The following KAZN variants were observed in gnomAD, a reference collection of about 807,000 sequenced individuals.
KAZN encodes the protein kazrin, periplakin interacting protein.
Under a neutral mutation model 87.4 loss-of-function variants are expected in KAZN, and 40 were observed. The observed-to-expected ratio is 0.46, with a 90% CI of 0.36 to 0.60. The LOEUF (loss-of-function observed/expected upper bound fraction) is 0.60. Ranked by LOEUF, KAZN falls within the 20% of genes least tolerant of loss-of-function variation. The pLI, the probability that KAZN is intolerant of heterozygous loss-of-function variation, is 0.00. For missense variants in KAZN, 898 were observed against 1,073.9 expected (o/e 0.84, Z 2.29); for synonymous variants, 466 against 458.3 (o/e 1.02, Z -0.22).
At chr1:14,638,320 G>A (rs1680152226) in intron 1 of KAZN, among the ~76,000 whole-genome samples, 1 of 152,160 alleles carries the variant, frequency 6.6e-6, no homozygotes, top group East Asian at 1.9e-4. Flanking sequence ...TGTAATCCCA[G>A]CACTTTGGGA....
At chr1:14,217,681 A>G (rs562003310) in intron 2 of KAZN, among the ~76,000 whole-genome samples, 1 of 152,292 alleles carries the variant, frequency 6.6e-6, no homozygotes, top group East Asian at 1.9e-4. Flanking sequence ...TTTAAATTAC[A>G]TATTGAAATT....
intron 1 of KAZN, among the ~76,000 whole-genome samples, chr1:14,775,235 C>T (rs114977350): frequency 0.013 from 2,030 of 152,288 alleles, 34 homozygotes; most frequent in African/African-American, 0.046. Context: ...CTGTGGCCTC[C>T]GACATCAGAG....
At chr1:14,393,158 C>T (rs759010106) in intron 2 of KAZN, among the ~76,000 whole-genome samples, 3 of 152,196 alleles carry the variant, frequency 2.0e-5, no homozygotes, top group Admixed American at 1.3e-4. Context: ...TCAAATCAAA[C>T]GGTCAAAGTT....
chr1:14,354,645 G>GACACACACAC (rs71570202), intron 2 of KAZN, among the ~76,000 whole-genome samples: 1,597 of 141,414 alleles, frequency 0.011, 17 homozygotes, highest in South Asian at 0.019. Flanking sequence ...AGCTAAATTA[G>GACACACACAC]ACACACACAC....
At chr1:14,940,174 A>G (rs899284248) in intron 1 of KAZN, among the ~76,000 whole-genome samples, 8 of 152,120 alleles carry the variant, frequency 5.3e-5, no homozygotes, top group Admixed American at 5.2e-4. Context: ...GGCCTGTGGG[A>G]AAGTAGCTGT....
chr1:14,879,059 C>G (rs1040828861), intron 1 of KAZN, among the ~76,000 whole-genome samples: 2 of 152,276 alleles, frequency 1.3e-5, no homozygotes, highest in East Asian at 3.9e-4. Context: ...AATCCCTGCT[C>G]GTATCTGCCA....
At chr1:14,092,903 G>A (rs371635044) in intron 1 of KAZN, among the ~76,000 whole-genome samples, 1 of 152,236 alleles carries the variant, frequency 6.6e-6, no homozygotes, top group South Asian at 2.1e-4. Context: ...TCGTATTTAG[G>A]AGCTATCTCT....
At chr1:14,479,853 T>TTA (rs1668970998) in intron 2 of KAZN, among the ~76,000 whole-genome samples, 4 of 152,184 alleles carry the variant, frequency 2.6e-5, no homozygotes, top group Non-Finnish European at 4.4e-5. Context: ...AGCAGGTGTC[T>TTA]CTATTCAATG....
At chr1:14,518,555 C>T (rs1671416539) in intron 2 of KAZN, among the ~76,000 whole-genome samples, 1 of 152,122 alleles carries the variant, frequency 6.6e-6, no homozygotes, top group Non-Finnish European at 1.5e-5. Flanking sequence ...GATGAATTTG[C>T]CAAGGAAGAG....
At chr1:14,077,227 T>A (rs1643497176) in intron 1 of KAZN, among the ~76,000 whole-genome samples, 1 of 152,178 alleles carries the variant, frequency 6.6e-6, no homozygotes, top group Non-Finnish European at 1.5e-5. Flanking sequence ...TTCGTTCTGC[T>A]ATTGGCTTGC....
intron 1 of KAZN, among the ~76,000 whole-genome samples, chr1:14,790,961 G>A (rs1278881881): frequency 1.3e-5 from 2 of 152,066 alleles, no homozygotes; most frequent in African/African-American, 4.8e-5. Flanking sequence ...GAAAGTGCTG[G>A]GATTATAGGT....
At chr1:13,968,981 T>C (rs1642040633) in intron 1 of KAZN, among the ~76,000 whole-genome samples, 1 of 152,204 alleles carries the variant, frequency 6.6e-6, no homozygotes, top group African/African-American at 2.4e-5. Flanking sequence ...TCTCAACTTA[T>C]CAAGTCTAAA....
At chr1:15,009,181 C>G (rs1187218604) in intron 2 of KAZN, among the ~76,000 whole-genome samples, 1 of 152,218 alleles carries the variant, frequency 6.6e-6, no homozygotes, top group African/African-American at 2.4e-5. Context: ...GCATCCTGGG[C>G]ACGTCCTGCA....
chr1:14,046,326 G>A (rs1466764611), intron 1 of KAZN, among the ~76,000 whole-genome samples: 1 of 152,158 alleles, frequency 6.6e-6, no homozygotes, highest in Non-Finnish European at 1.5e-5. Flanking sequence ...CTGAAGATTG[G>A]TCAGGGGATG....
Position 14,995,613 on chromosome 1 carries a change from G to C in KAZN, c.418+34738G>C, listed in dbSNP as rs142695642. Among the ~76,000 whole-genome samples the C allele has an allele frequency of 4.2e-3, 631 of 149,182 alleles. 31 individuals carry two copies. In the East Asian group the frequency reaches 0.1, roughly 24 times the overall value. ...CACTCCAGCCTGGGCGACAGAGTGA[G>C]ACTCCACCTCAAATAAAAAAAAAAA... On this transcript the variant is annotated intron_variant, in intron 2 of 14. Transcript: ENST00000376030.
intron 1 of KAZN, among the ~76,000 whole-genome samples, chr1:13,954,997 G>A (rs77079888): frequency 0.02 from 3,077 of 152,174 alleles, 46 homozygotes; most frequent in South Asian, 0.043. Context: ...TTGACTCCTC[G>A]AAAGTAACAT....
intron 1 of KAZN, among the ~76,000 whole-genome samples, chr1:14,860,249 T>C (rs1215262280): frequency 2.0e-5 from 3 of 152,066 alleles, no homozygotes; most frequent in Admixed American, 1.3e-4. Context: ...TAGAGTGCAG[T>C]GGCGTGATCT....
At chr1:14,299,114 G>A (rs1654343494) in intron 2 of KAZN, among the ~76,000 whole-genome samples, 1 of 152,206 alleles carries the variant, frequency 6.6e-6, no homozygotes, top group Non-Finnish European at 1.5e-5. Context: ...ACCATCCTCA[G>A]TTCTGGGATA....
At chr1:14,112,512 C>T (rs1644521947) in intron 1 of KAZN, among the ~76,000 whole-genome samples, 1 of 152,184 alleles carries the variant, frequency 6.6e-6, no homozygotes, top group South Asian at 2.1e-4. Context: ...ATGGCAGACA[C>T]TCTCCTCTCA....
Sources: gnomAD v4.1 joint callset for allele counts (sites outside exome capture counted in the v4.1 genomes callset) on GRCh38, gnomAD v4.1.1 for gene constraint, MANE v1.5 for transcripts, NCBI Gene and HGNC (gene_info 2026-07-23, HGNC 2026-07-21) for gene names.